Variants in MAGI2 observed in about 807,000 individuals in gnomAD.
The protein encoded by MAGI2 is membrane-associated guanylate kinase, WW and PDZ domain-containing protein 2.
A neutral mutation model predicts 133.3 loss-of-function variants in MAGI2; 35 were observed. The observed-to-expected ratio is 0.26, with a 90% confidence interval of 0.20 to 0.35. The LOEUF is 0.35. Ranked by LOEUF, MAGI2 falls within the 10% of genes least tolerant of loss-of-function variation. MAGI2 has a pLI of 1.00. For synonymous variants in MAGI2, 729 were observed against 710.6 expected, an observed-to-expected ratio of 1.03 and a Z score of -0.41; for missense variants, 1,636 against 1,863.4, an observed-to-expected ratio of 0.88 and a Z score of 2.25.
At chr7:78,806,792 CA>C (rs1313910325) in intron 2 of MAGI2, among the ~76,000 whole-genome samples, 1 of 151,664 alleles carries the variant, frequency 6.6e-6, no homozygotes, top group African/African-American at 2.4e-5. Context: ...CACTTGAACT[CA>C]GGAGTTTGAA....
At chr7:79,193,798 A>G (rs1474325837) in intron 1 of MAGI2, among the ~76,000 whole-genome samples, 1 of 151,758 alleles carries the variant, frequency 6.6e-6, no homozygotes, top group Non-Finnish European at 1.5e-5. Context: ...CATTTTTTAG[A>G]GTTTTTATTA....
chr7:78,282,595 G>GA (rs1795732062), intron 9 of MAGI2, among the ~76,000 whole-genome samples: 1 of 151,746 alleles, frequency 6.6e-6, no homozygotes, highest in African/African-American at 2.4e-5. Context: ...GTAAGTTTCA[G>GA]GAAAAAAAGA....
intron 20 of MAGI2, among the ~76,000 whole-genome samples, chr7:78,115,625 C>T (rs1011146785): frequency 4.9e-5 from 4 of 81,382 alleles, no homozygotes; most frequent in Admixed American, 4.6e-4. Flanking sequence ...GATTGATTCA[C>T]CTGGAAAATA....
At chr7:79,021,934 T>G (rs1437251883) in intron 1 of MAGI2, among the ~76,000 whole-genome samples, 1 of 152,096 alleles carries the variant, frequency 6.6e-6, no homozygotes, top group Non-Finnish European at 1.5e-5. Context: ...GGGGGCAGTT[T>G]CCCCTATGCT....
chr7:78,318,711 A>G (rs566658094), intron 9 of MAGI2, among the ~76,000 whole-genome samples: 2 of 152,340 alleles, frequency 1.3e-5, no homozygotes, highest in African/African-American at 2.4e-5. Context: ...TGTTAAGGGC[A>G]GCCAAAGAGA....
At chr7:78,497,742 ATCTATCTATCTATCTATCTATCTT>A (rs1456112235) in intron 5 of MAGI2, among the ~76,000 whole-genome samples, 2 of 120,230 alleles carry the variant, frequency 1.7e-5, no homozygotes, top group Admixed American at 8.0e-5. Flanking sequence ...CTATCTATCT[ATCTATCTATCTATCTATCTATCTT>A]TCTATCTTAT....
intron 1 of MAGI2, among the ~76,000 whole-genome samples, chr7:79,111,544 T>C (rs982857002): frequency 1.3e-5 from 2 of 152,174 alleles, no homozygotes; most frequent in African/African-American, 4.8e-5. Flanking sequence ...AAACATCAGG[T>C]AGGTATGTTA....
intron 1 of MAGI2, among the ~76,000 whole-genome samples, chr7:79,270,390 C>T (rs1834792803): frequency 6.6e-6 from 1 of 151,898 alleles, no homozygotes; most frequent in African/African-American, 2.4e-5. Flanking sequence ...ACATATTCAC[C>T]TTGTTTAGAT....
At chr7:78,619,560 C>G (rs1480949430) in intron 3 of MAGI2, among the ~76,000 whole-genome samples, 1 of 151,784 alleles carries the variant, frequency 6.6e-6, no homozygotes, top group Admixed American at 6.6e-5. Context: ...TTATGTCAGT[C>G]CTTCTAGTCT....
chr7:79,091,071 T>C (rs1158759954), intron 1 of MAGI2, among the ~76,000 whole-genome samples: 1 of 152,102 alleles, frequency 6.6e-6, no homozygotes, highest in East Asian at 1.9e-4. Flanking sequence ...AAAGATATTA[T>C]TACCTCTTAT....
At chr7:79,363,820 G>A (rs1296668221) in intron 1 of MAGI2, among the ~76,000 whole-genome samples, 1 of 151,508 alleles carries the variant, frequency 6.6e-6, no homozygotes, top group Non-Finnish European at 1.5e-5. Context: ...CATCTGATAA[G>A]GGGTAAATAT....
chr7:78,769,290 G>C (rs1047379687), intron 2 of MAGI2, among the ~76,000 whole-genome samples: 1 of 151,238 alleles, frequency 6.6e-6, no homozygotes, highest in Non-Finnish European at 1.5e-5. Context: ...CAGCCCTCCC[G>C]AAAGTCCAAA....
chr7:78,268,242 AATCTT>A (rs1253192465), intron 9 of MAGI2, among the ~76,000 whole-genome samples: 1 of 152,096 alleles, frequency 6.6e-6, no homozygotes, highest in African/African-American at 2.4e-5. Context: ...ACAATGCAAA[AATCTT>A]AACCATGTGG....
intron 1 of MAGI2, among the ~76,000 whole-genome samples, chr7:79,033,851 A>G (rs1462343503): frequency 6.6e-6 from 1 of 152,178 alleles, no homozygotes; most frequent in Non-Finnish European, 1.5e-5. Flanking sequence ...TTAAGGGTAA[A>G]AAACATCTGT....
intron 1 of MAGI2, among the ~76,000 whole-genome samples, chr7:79,184,771 T>G (rs111555696): frequency 0.04 from 6,046 of 151,900 alleles, 475 homozygotes; most frequent in African/African-American, 0.14. Flanking sequence ...ATCAAAGTTT[T>G]GTAATATTCT....
intron 2 of MAGI2, among the ~76,000 whole-genome samples, chr7:78,655,264 G>A (rs1029532621): frequency 1.3e-5 from 2 of 151,650 alleles, no homozygotes; most frequent in Admixed American, 1.3e-4. Context: ...CAGTTATCAA[G>A]GCCCTGAGGC....
chr7:78,248,919 C>CCAAAATAGGAGAAAACCTA (rs1406893624), intron 10 of MAGI2, among the ~76,000 whole-genome samples: 3 of 151,864 alleles, frequency 2.0e-5, no homozygotes, highest in Non-Finnish European at 2.9e-5. Flanking sequence ...TCAACAACCT[C>CCAAAATAGGAGAAAACCTA]CAAAATAGGA....
At chr7:78,922,379 TCTC>T (rs1799325040) in intron 2 of MAGI2, among the ~76,000 whole-genome samples, 1 of 151,666 alleles carries the variant, frequency 6.6e-6, no homozygotes, top group South Asian at 2.1e-4. Context: ...AGTGTGATGT[TCTC>T]CTCCCTGTGT....
At position 78,804,759 on chromosome 7, in the gene MAGI2, A is replaced by AAAAAACAAAAC. The variant is rs1563526036; in HGVS notation, c.419-177521_419-177520insGTTTTGTTTTT. Among the ~76,000 whole-genome samples the AAAAAACAAAAC allele has an allele frequency of 7.2e-5, 10 of 139,512 alleles. 1 individual carries two copies. The highest frequency in any genetic ancestry group is 3.0e-4 in the African/African-American group (10 of 32,924). The allele number at this position is 139,512 out of a possible 152,430, so 91.5% of individuals were successfully genotyped here. A position where few individuals can be genotyped will look rare whatever the true frequency, so the allele number is the denominator to read the frequency against. ...GCGAGACTCTGTCTCAAAAAAAAAA[A>AAAAAACAAAAC]AAAAAAAAAAAAACCTTTGGCCCTT... On this transcript the variant is annotated intron_variant, in intron 2 of 21. Coordinates refer to ENST00000354212, the MANE Select transcript of MAGI2 (RefSeq NM_012301.4).
Sources: gnomAD v4.1 joint callset for allele counts (sites outside exome capture counted in the v4.1 genomes callset) on GRCh38, gnomAD v4.1.1 for gene constraint, MANE v1.5 for transcripts, NCBI Gene and HGNC (gene_info 2026-07-23, HGNC 2026-07-21) for gene names.